Variants in XPO1 observed in about 807,000 individuals in gnomAD.
The protein encoded by XPO1 is exportin-1.
In XPO1, 5 loss-of-function variants were observed where a neutral mutation model predicts 133.3. The observed-to-expected ratio is 0.04, with a 90% confidence interval of 0.02 to 0.08. XPO1 has a LOEUF of 0.08. Among genes scored for constraint, XPO1 ranks in the 10% least tolerant of loss-of-function variants. The pLI, the probability that XPO1 is intolerant of heterozygous loss-of-function variation, is 1.00. For synonymous variants in XPO1, 419 were observed against 408.2 expected (o/e 1.03, Z -0.32); for missense variants, 506 against 1,267.5 (o/e 0.40, Z 9.12).
chr2:61,492,789 G>C lies in XPO1; in HGVS notation c.1385-41C>G. On this transcript the variant is annotated intron_variant, in intron 13 of 24. Coordinates refer to ENST00000401558, the MANE Select transcript of XPO1 (RefSeq NM_003400.4). This position sits in a 1 kb window ranked among gnomAD's most constrained non-coding sequence, Gnocchi z 5.6. ...TGGTTTCAAATGCAAATAATGAGCA[G>C]AATTTTATTGATGAGTAACAATACA... 1 of 1,592,214 alleles carries C rather than the reference G, an allele frequency of 6.3e-7. No homozygotes were observed. Among genetic ancestry groups the C allele is most frequent in the African/African-American group, 1.4e-5 (1 of 74,060 alleles).
At chr2:61,482,841 T>C in intron 22 of XPO1, 116 bp downstream of exon 22, 1 of 1,257,546 alleles carries the variant, frequency 8.0e-7, no homozygotes, top group Non-Finnish European at 1.1e-6. Flanking sequence ...GCCAGGCTGT[T>C]CTCGAACTCC....
intron 4 of XPO1, among the ~76,000 whole-genome samples, chr2:61,515,350 G>C (rs1698318057): frequency 6.6e-6 from 1 of 152,196 alleles, no homozygotes; most frequent in Non-Finnish European, 1.5e-5. Context: ...ATCTTCAGCA[G>C]AAGTGACCCT....
Position 61,492,298 on chromosome 2 carries a change from CA to C in XPO1, c.1723+26del. 3.2e-6 allele frequency: 5 copies of C among 1,581,500 alleles called. No homozygotes were observed. The highest frequency in any genetic ancestry group is 4.3e-6 in the Non-Finnish European group (5 of 1,169,708). On this transcript the variant is annotated intron_variant, in intron 15 of 24. Transcript: ENST00000401558. This position sits in a 1 kb window ranked among gnomAD's most constrained non-coding sequence, Gnocchi z 5.6. ...TTATTTTCTTCAATAAAAATAAAAGCAAAATATAGTAAAGAAAGAGATTTAC... is the reference window on the plus strand; with the variant it reads ...TTATTTTCTTCAATAAAAATAAAAGCAAATATAGTAAAGAAAGAGATTTAC...
chr2:61,502,363 G>T, intron 4 of XPO1, 53 bp from the exon 5 acceptor site: 1 of 1,526,878 alleles, frequency 6.5e-7, no homozygotes, highest in Non-Finnish European at 9.0e-7. Flanking sequence ...TTTGTAGCAT[G>T]CAAATAAATT....
In XPO1 at chr2:61,498,669, G is replaced by A. The variant is rs749800015; in HGVS notation, c.759+4C>T. 2 of 1,613,344 alleles carry A rather than the reference G, an allele frequency of 1.2e-6. No individual in the cohort carries two copies. The highest frequency in any genetic ancestry group is 1.1e-5 in the South Asian group (1 of 90,766). ...GACAAATAACTGAAATGTATTCACT[G>A]TACCTTATAAATCAATGTGCTGATT... On this transcript the variant is annotated splice_donor_region_variant and intron_variant, in intron 9 of 24. Transcript: ENST00000401558.
chr2:61,489,290 G>A (rs1193952406), intron 17 of XPO1, among the ~76,000 whole-genome samples: 1 of 151,088 alleles, frequency 6.6e-6, no homozygotes, highest in African/African-American at 2.4e-5. Flanking sequence ...GTGCTTGCTT[G>A]TAATCCCAGC....
intron 2 of XPO1, among the ~76,000 whole-genome samples, chr2:61,529,540 C>T (rs1699062357): frequency 6.6e-6 from 1 of 151,940 alleles, no homozygotes; most frequent in Non-Finnish European, 1.5e-5. Context: ...CTTGTAATCC[C>T]AGTTACTCAG....
intron 20 of XPO1, chr2:61,485,080 A>AT (rs1396533832): frequency 6.6e-6 from 1 of 152,160 alleles, no homozygotes; most frequent in African/African-American, 2.4e-5. Flanking sequence ...GGGTTTTGCC[A>AT]CGTTAGGCAG....
In XPO1 at chr2:61,482,461, G is replaced by A. The variant is rs1284915313; in HGVS notation, c.2891C>T (p.Pro964Leu). 1 of 1,613,404 alleles carries A rather than the reference G, an allele frequency of 6.2e-7. No homozygotes were observed. The highest frequency in any genetic ancestry group is 1.1e-5 in the South Asian group (1 of 90,928). The part of the protein sequence containing the change: ...EEGKISTSLN[P>L]GNPVNNQIFL... ...GATTTGGTTGTTAACTGGATTTCCA[G>A]GATTTAATGATGTACTTATTTTTCC... Residue 964 changes from proline to leucine, a missense_variant, in exon 23 of 25, where the codon CCT (proline) becomes CTT (leucine). Transcript: ENST00000401558.
intron 2 of XPO1, among the ~76,000 whole-genome samples, chr2:61,529,508 T>A (rs1036514112): frequency 6.6e-6 from 1 of 151,830 alleles, no homozygotes; most frequent in African/African-American, 2.4e-5. Flanking sequence ...ATTCAAAAAT[T>A]AGCTGGGCAT....
chr2:61,501,638 G>A (rs537014731), intron 6 of XPO1, among the ~76,000 whole-genome samples: 4 of 148,568 alleles, frequency 2.7e-5, no homozygotes, highest in African/African-American at 7.4e-5. Context: ...CAGAACAATC[G>A]CTTGAACCCG....
chr2:61,533,724 C>A, intron 2 of XPO1, 48 bp downstream of exon 2: 2 of 1,415,078 alleles, frequency 1.4e-6, no homozygotes, highest in Non-Finnish European at 1.9e-6. Flanking sequence ...AACCCAACAA[C>A]TCTGTTACAC....
intron 3 of XPO1, among the ~76,000 whole-genome samples, chr2:61,523,670 T>C (rs1458629586): frequency 6.6e-6 from 1 of 152,214 alleles, no homozygotes; most frequent in Non-Finnish European, 1.5e-5. Context: ...GAATAAGAGT[T>C]CATCTTTAAA....
intron 2 of XPO1, among the ~76,000 whole-genome samples, chr2:61,532,630 G>A (rs1452409773): frequency 6.6e-6 from 1 of 150,520 alleles, no homozygotes; most frequent in Non-Finnish European, 1.5e-5. Context: ...GAGGTCAGGA[G>A]ATGGAGACCA....
In XPO1 at chr2:61,482,033, C is replaced by CTTTTTTTTTTTTTT. The variant is rs1491506588; in HGVS notation, c.2972+346_2972+347insAAAAAAAAAAAAAA. 3.2e-3 allele frequency among the ~76,000 whole-genome samples: 281 copies of CTTTTTTTTTTTTTT among 86,794 alleles called. 60 individuals carry two copies. The highest frequency in any genetic ancestry group is 0.017 in the Middle Eastern group (2 of 120). The allele number at this position is 86,794 out of a possible 152,430, so 56.9% of individuals were successfully genotyped here. A position where few individuals can be genotyped will look rare whatever the true frequency, so the allele number is the denominator to read the frequency against. On this transcript the variant is annotated intron_variant, in intron 23 of 24. Transcript: ENST00000401558. ...TACAGTCATGAGCCACCGTGCGTGGCCTTTTTTTTTTTTTTTTTTTTTTTG... is the reference window on the plus strand; with the variant it reads ...TACAGTCATGAGCCACCGTGCGTGGCTTTTTTTTTTTTTTCTTTTTTTTTTTTTTTTTTTTTTTG...
chr2:61,516,651 T>C (rs1206650141), intron 4 of XPO1, among the ~76,000 whole-genome samples: 1 of 151,910 alleles, frequency 6.6e-6, no homozygotes, highest in Non-Finnish European at 1.5e-5. Flanking sequence ...GGACCTCAGG[T>C]GATCTGCCCG....
In XPO1 at chr2:61,495,425, T is replaced by A. The variant is rs761261106; in HGVS notation, c.1047+30A>T. ...AGAGTTATTAGTAGGCAGAGCAGAA[T>A]TTTAGGAGCAAAAGCTCCACATATC... On this transcript the variant is annotated intron_variant, in intron 11 of 24. Transcript: ENST00000401558. 9 of 1,489,618 alleles carry A rather than the reference T, an allele frequency of 6.0e-6. No individual in the cohort carries two copies. The Admixed American group carries it at 1.6e-4, about 26-fold the overall frequency. The allele number at this position is 1,489,618 out of a possible 1,614,324, so 92.3% of individuals were successfully genotyped here.
Position 61,482,372 on chromosome 2 carries a change from A to G in XPO1, c.2972+8T>C. On this transcript the variant is annotated splice_region_variant and intron_variant, in intron 23 of 24. Coordinates refer to ENST00000401558, the MANE Select transcript of XPO1 (RefSeq NM_003400.4). ...GAACATTCTACGTTTATTAAAAGGT[A>G]TATTTACTCTTGTAGGTGAGGGAAG... The G allele has an allele frequency of 6.2e-7, 1 of 1,600,164 alleles. No homozygotes were observed. The highest frequency in any genetic ancestry group is 8.5e-7 in the Non-Finnish European group (1 of 1,174,074).
At chr2:61,515,900 G>A (rs1301808764) in intron 4 of XPO1, among the ~76,000 whole-genome samples, 9 of 143,662 alleles carry the variant, frequency 6.3e-5, no homozygotes, top group East Asian at 2.0e-4. Context: ...TGGCTAACAC[G>A]GTGAAACCCC....
Sources: gnomAD v4.1 joint callset for allele counts (sites outside exome capture counted in the v4.1 genomes callset) on GRCh38, gnomAD v4.1.1 for gene constraint, Gnocchi (gnomAD v3.1) non-coding constraint, MANE v1.5 for transcripts, NCBI Gene and HGNC (gene_info 2026-07-23, HGNC 2026-07-21) for gene names.